The following KNTC1 variants were observed in gnomAD, a reference collection of about 807,000 sequenced individuals.
The protein encoded by KNTC1 is kinetochore associated 1.
A neutral mutation model predicts 314.4 loss-of-function variants in KNTC1; 253 were observed. The observed-to-expected ratio is 0.80, with a 90% CI of 0.73 to 0.89. The LOEUF is 0.89. Ranked by LOEUF, KNTC1 falls within the 40% of genes least tolerant of loss-of-function variation. KNTC1 has a pLI of 0.00. For missense variants in KNTC1, 2,475 were observed against 2,572.9 expected (o/e 0.96, Z 0.82); for synonymous variants, 901 against 901.4 (o/e 1.00, Z 0.01).
intron 51 of KNTC1, among the ~76,000 whole-genome samples, chr12:122,608,948 A>G (rs1872815982): frequency 6.6e-6 from 1 of 152,048 alleles, no homozygotes; most frequent in African/African-American, 2.4e-5. Flanking sequence ...GGTCCCAGCT[A>G]CTTAGGAGGC....
In KNTC1 at chr12:122,543,993, G is replaced by A. The variant is rs551917917; in HGVS notation, c.559-166G>A. ...GAACTCGGGAGGCAGAGGTTGTGGTGAGCCGAGATTGCGCCATTGCACTCT... is the reference window on the plus strand; with the variant it reads ...GAACTCGGGAGGCAGAGGTTGTGGTAAGCCGAGATTGCGCCATTGCACTCT... On this transcript the variant is annotated intron_variant, in intron 7 of 63. Transcript: ENST00000333479. 3.3e-4 allele frequency among the ~76,000 whole-genome samples: 49 copies of A among 150,680 alleles called. 1 individual carries two copies. The highest frequency in any genetic ancestry group is 9.9e-4 in the Admixed American group (15 of 15,136).
intron 52 of KNTC1, 61 bp from the exon 53 acceptor site, chr12:122,610,761 T>C: frequency 9.5e-7 from 1 of 1,055,902 alleles, no homozygotes; most frequent in East Asian, 2.4e-5. Context: ...AAGATAAGTC[T>C]GTTGTTTTGG....
At chr12:122,534,880 T>C in intron 3 of KNTC1, 96 bp downstream of exon 3, 1 of 1,207,250 alleles carries the variant, frequency 8.3e-7, no homozygotes, top group Non-Finnish European at 1.2e-6. Context: ...CTCCATTATT[T>C]CTAAGATTTC....
intron 51 of KNTC1, among the ~76,000 whole-genome samples, chr12:122,606,964 C>T (rs558033954): frequency 1.3e-5 from 2 of 152,308 alleles, no homozygotes; most frequent in South Asian, 2.1e-4. Flanking sequence ...TTTGCAGTTA[C>T]ACCAATTGTC....
intron 42 of KNTC1, chr12:122,593,710 TC>T (rs1870643688): frequency 6.6e-6 from 1 of 152,502 alleles, no homozygotes; most frequent in Admixed American, 6.6e-5. Flanking sequence ...GCCTAAGTGA[TC>T]CTCCCAGCTT....
At chr12:122,528,350 A>T (rs941187434) in intron 1 of KNTC1, among the ~76,000 whole-genome samples, 4 of 152,202 alleles carry the variant, frequency 2.6e-5, no homozygotes, top group African/African-American at 9.7e-5. Context: ...GAACTCTTTA[A>T]ACATTTATAA....
intron 20 of KNTC1, among the ~76,000 whole-genome samples, chr12:122,563,967 T>C (rs1964144401): frequency 6.6e-6 from 1 of 152,142 alleles, no homozygotes; most frequent in Non-Finnish European, 1.5e-5. Context: ...GGAAAAACAT[T>C]ATGGTTCAAT....
At chr12:122,619,204 C>T (rs1449721649) in intron 59 of KNTC1, among the ~76,000 whole-genome samples, 2 of 149,410 alleles carry the variant, frequency 1.3e-5, no homozygotes, top group East Asian at 2.0e-4. Context: ...ATTACAGGCA[C>T]GTGCCACCAT....
chr12:122,612,414 CTTTTTCTT>C (rs1873254918), intron 53 of KNTC1, among the ~76,000 whole-genome samples: 3 of 144,770 alleles, frequency 2.1e-5, no homozygotes. Flanking sequence ...TTTTCTTTTT[CTTTTTCTT>C]TTTTTTTTTT....
At chr12:122,532,160 A>T (rs1394469327) in intron 2 of KNTC1, among the ~76,000 whole-genome samples, 14 of 145,368 alleles carry the variant, frequency 9.6e-5, no homozygotes, top group Non-Finnish European at 3.0e-5. Context: ...CAGCCTCTGG[A>T]GTAGCTGGGA....
intron 53 of KNTC1, among the ~76,000 whole-genome samples, chr12:122,612,420 C>CTT (rs754162815): frequency 1.1e-5 from 1 of 88,694 alleles, no homozygotes; most frequent in Non-Finnish European, 2.8e-5. Context: ...TTTTCTTTTT[C>CTT]TTTTTTTTTT....
Position 122,612,947 on chromosome 12 carries a change from G to T in KNTC1, c.5623-165G>T, listed in dbSNP as rs1566016891. The stretch of plus-strand genomic sequence containing the variant: ...AGGAATGCCCCTTCAGGGGTCCATG[G>T]ACCACATGTTAAGAACCACTGTTAC... On this transcript the variant is annotated intron_variant, in intron 53 of 63. Coordinates refer to ENST00000333479, the MANE Select transcript of KNTC1 (RefSeq NM_014708.6). 1.4e-5 allele frequency: 8 copies of T among 588,332 alleles called. No individual in the cohort carries two copies. The East Asian group carries it at 2.0e-4, about 14-fold the overall frequency. 36.4% of individuals were successfully genotyped at this position (588,332 alleles called of 1,614,324 possible).
At chr12:122,626,121 T>G in intron 63 of KNTC1, 84 bp from the exon 64 acceptor site, 1 of 936,108 alleles carries the variant, frequency 1.1e-6, no homozygotes, top group Non-Finnish European at 1.7e-6. Flanking sequence ...TCACTTCACT[T>G]AAGTTCTGTA....
intron 45 of KNTC1, 84 bp from the exon 46 acceptor site, chr12:122,602,483 CTT>C: frequency 1.2e-6 from 1 of 800,728 alleles, no homozygotes; most frequent in South Asian, 2.0e-5. Flanking sequence ...GGAATGGAAA[CTT>C]TTGATGGTAT....
intron 2 of KNTC1, among the ~76,000 whole-genome samples, chr12:122,531,228 G>A (rs967079999): frequency 9.2e-5 from 14 of 152,030 alleles, no homozygotes; most frequent in African/African-American, 2.9e-4. Context: ...TTAAGCTGGT[G>A]TCTGTGGAAC....
rs78636151 is a variant in KNTC1, at chr12:122,576,797, T to C, written c.2587-98T>C. 6.6e-3 allele frequency: 5,421 copies of C among 819,814 alleles called. 128 individuals are homozygous for C. The highest frequency in any genetic ancestry group is 0.06 in the African/African-American group (3,419 of 56,586). The allele number at this position is 819,814 out of a possible 1,614,324, so 50.8% of individuals were successfully genotyped here. ...TCATACAATTTAGTTTTTTGCTGCA[T>C]TATTTAAATTTTTTTGCCACTTTGC... On this transcript the variant is annotated intron_variant, in intron 29 of 63. Coordinates refer to ENST00000333479, the MANE Select transcript of KNTC1 (RefSeq NM_014708.6).
rs2137727634 is a variant in KNTC1, at chr12:122,544,166, G to A, written c.566G>A (p.Gly189Glu). ...VDFSTAKKLQ[G>E]QIKSSFISTE... is the part of the protein sequence containing the mutation. ...TTGTTTTTAATTTTGCAGTTACAAGGACAAATCAAGTCCAGTTTTATTTCT... is the reference window on the plus strand; with the variant it reads ...TTGTTTTTAATTTTGCAGTTACAAGAACAAATCAAGTCCAGTTTTATTTCT... The change falls in exon 8 of 64, where the codon GGA (glycine) becomes GAA (glutamate). Residue 189 changes from glycine to glutamate, a missense_variant. Coordinates refer to ENST00000333479, the MANE Select transcript of KNTC1 (RefSeq NM_014708.6). 3 of 1,499,728 alleles carry A rather than the reference G, an allele frequency of 2.0e-6. No homozygotes were observed. The highest frequency in any genetic ancestry group is 4.7e-5 in the East Asian group (2 of 42,710). The allele number at this position is 1,499,728 out of a possible 1,614,324, so 92.9% of individuals were successfully genotyped here.
intron 51 of KNTC1, among the ~76,000 whole-genome samples, chr12:122,606,471 G>A (rs1872606391): frequency 6.6e-6 from 1 of 151,972 alleles, no homozygotes; most frequent in Non-Finnish European, 1.5e-5. Context: ...GCCCGCCTTG[G>A]CCTCCCAAAG....
Position 122,603,216 on chromosome 12 carries a change from A to T in KNTC1, c.5074A>T (p.Ile1692Phe). 2 of 1,612,242 alleles carry T rather than the reference A, an allele frequency of 1.2e-6. No homozygotes were observed. The highest frequency in any genetic ancestry group is 1.7e-6 in the Non-Finnish European group (2 of 1,179,076). ...CCCAGAGTGGGCTGTAGCTATTGCC[A>T]TCAGCCTTGCCCAGGATATCCCTGA... ...VNPEWAVAIA[I>F]SLAQDIPEGS... Residue 1692 changes from isoleucine (I) to phenylalanine (F), a missense_variant, in exon 48 of 64, where the codon ATC becomes TTC. Transcript: ENST00000333479.
Sources: gnomAD v4.1 joint callset for allele counts (sites outside exome capture counted in the v4.1 genomes callset) on GRCh38, gnomAD v4.1.1 for gene constraint, MANE v1.5 for transcripts, NCBI Gene and HGNC (gene_info 2026-07-23, HGNC 2026-07-21) for gene names.